The following CWH43 variants were observed in gnomAD, a reference collection of about 807,000 sequenced individuals.
CWH43 encodes the protein PGAP2-interacting protein.
Under a neutral mutation model 85.7 loss-of-function variants are expected in CWH43, and 91 were observed. That is an observed-to-expected ratio of 1.06 (90% CI 0.90 to 1.26). The LOEUF (loss-of-function observed/expected upper bound fraction) is 1.26, where lower values mean the gene tolerates loss of function less well. Ranked by LOEUF, CWH43 falls within the 50% of genes most tolerant of loss-of-function variation. The pLI is 0.00. For missense variants in CWH43, 869 were observed against 839.2 expected, an observed-to-expected ratio of 1.04 and a Z score of -0.44; for synonymous variants, 323 against 293.6, an observed-to-expected ratio of 1.10 and a Z score of -1.02.
intron 15 of CWH43, among the ~76,000 whole-genome samples, chr4:49,058,660 T>C (rs1280662644): frequency 1.3e-5 from 2 of 152,250 alleles, no homozygotes; most frequent in Non-Finnish European, 2.9e-5. Flanking sequence ...CTAATGATGA[T>C]GAACTCCTGC....
intron 9 of CWH43, among the ~76,000 whole-genome samples, chr4:49,025,179 C>A (rs148747353): frequency 6.6e-6 from 1 of 151,886 alleles, no homozygotes; most frequent in African/African-American, 2.4e-5. Context: ...CTTCTCTAAG[C>A]GTGTCCATTT....
At chr4:49,038,864 C>T (rs1188845373) in intron 13 of CWH43, among the ~76,000 whole-genome samples, 2 of 151,790 alleles carry the variant, frequency 1.3e-5, no homozygotes, top group Admixed American at 6.6e-5. Context: ...CGAGACCATC[C>T]TGGTTAACAT....
intron 9 of CWH43, among the ~76,000 whole-genome samples, chr4:49,026,214 A>G (rs1387762173): frequency 6.6e-6 from 1 of 152,192 alleles, no homozygotes; most frequent in Admixed American, 6.5e-5. Flanking sequence ...TGCCCCCACA[A>G]CAGCACTGAG....
At chr4:48,996,129 C>T (rs1175454450) in intron 5 of CWH43, among the ~76,000 whole-genome samples, 1 of 152,166 alleles carries the variant, frequency 6.6e-6, no homozygotes, top group African/African-American at 2.4e-5. Context: ...CCCCCTCTGC[C>T]TGGGCTTGCT....
chr4:48,992,725 T>C lies in CWH43; in HGVS notation c.511+635T>C, dbSNP rs1782696295. Among the ~76,000 whole-genome samples the C allele has an allele frequency of 6.6e-6, 1 of 152,190 alleles. No homozygotes were observed. Among genetic ancestry groups the C allele is most frequent in the Non-Finnish European group, 1.5e-5 (1 of 68,042 alleles). On this transcript the variant is annotated intron_variant, in intron 4 of 15. Transcript: ENST00000226432. This position sits in a 1 kb window ranked among gnomAD's most constrained non-coding sequence, Gnocchi z 4.3. ...GGGAGAGGTATTAGTGGATTCTAGT[T>C]AACGTGCTCCTAGCTTTTTGTGTAA... is the stretch of plus-strand genomic sequence containing the variant.
chr4:49,039,188 C>T (rs1784359957), intron 13 of CWH43, among the ~76,000 whole-genome samples: 1 of 141,438 alleles, frequency 7.1e-6, no homozygotes, highest in African/African-American at 2.6e-5. Context: ...AACAGGGCCC[C>T]AGCAGATGAC....
At chr4:49,009,039 G>A (rs1299645179) in intron 8 of CWH43, among the ~76,000 whole-genome samples, 9 of 152,096 alleles carry the variant, frequency 5.9e-5, no homozygotes, top group African/African-American at 2.2e-4. Context: ...GATGGGGATG[G>A]CATTTAATCT....
At chr4:49,006,921 A>G (rs572658543) in intron 7 of CWH43, among the ~76,000 whole-genome samples, 46 of 152,368 alleles carry the variant, frequency 3.0e-4, no homozygotes, top group African/African-American at 1.1e-3. Context: ...GAACACGTTC[A>G]GCAACCTAAC....
rs1387495762 is a variant in CWH43 at position 49,016,680 on chromosome 4, C to G, written c.1187-569C>G. On this transcript the variant is annotated intron_variant, in intron 8 of 15. Transcript: ENST00000226432. ...GAGGGGCAGTTACTGGGCTTCTGGG[C>G]TGCTTAGTCCATTCACCTTATCTGT... 3.9e-6 allele frequency: 3 copies of G among 764,584 alleles called. No homozygotes were observed. The Admixed American group carries it at 5.1e-5, about 13-fold the overall frequency. The allele number at this position is 764,584 out of a possible 1,614,324, so 47.4% of individuals were successfully genotyped here.
At chr4:49,005,543 G>A (rs1325070921) in intron 7 of CWH43, among the ~76,000 whole-genome samples, 2 of 151,750 alleles carry the variant, frequency 1.3e-5, no homozygotes, top group East Asian at 1.9e-4. Context: ...GCTTCTATTA[G>A]GGTTCTGTTT....
intron 6 of CWH43, among the ~76,000 whole-genome samples, chr4:49,003,388 T>C (rs373788212): frequency 1.6e-4 from 24 of 152,308 alleles, no homozygotes; most frequent in African/African-American, 5.8e-4. Context: ...TGGTTAAATG[T>C]AATATTTTTG....
chr4:49,031,843 A>C (rs1471094968), intron 11 of CWH43, among the ~76,000 whole-genome samples: 1 of 152,118 alleles, frequency 6.6e-6, no homozygotes, highest in African/African-American at 2.4e-5. Context: ...TAGGTTTTTG[A>C]CCTGAGTACC....
intron 10 of CWH43, 77 bp downstream of exon 10, chr4:49,028,811 A>G: frequency 1.1e-6 from 1 of 903,622 alleles, no homozygotes; most frequent in South Asian, 1.6e-5. Flanking sequence ...GTCATAAGCC[A>G]TAACTTAATG....
chr4:49,030,144 C>T (rs535836319), intron 10 of CWH43, among the ~76,000 whole-genome samples: 15 of 152,310 alleles, frequency 9.8e-5, no homozygotes, highest in Admixed American at 7.8e-4. Flanking sequence ...TTTCAACAGG[C>T]CTAGGGCCGA....
intron 15 of CWH43, among the ~76,000 whole-genome samples, chr4:49,055,503 A>T (rs1321111413): frequency 2.0e-5 from 3 of 152,126 alleles, no homozygotes; most frequent in African/African-American, 7.2e-5. Context: ...TATCAGGCTA[A>T]TAATGGCCTC....
chr4:49,060,626 TGATA>T (rs1221685233), intron 15 of CWH43, among the ~76,000 whole-genome samples: 1 of 151,920 alleles, frequency 6.6e-6, no homozygotes, highest in African/African-American at 2.4e-5. Flanking sequence ...GGGGGAGGAG[TGATA>T]GAAGTAATGT....
At chr4:49,038,988 G>A (rs574319446) in intron 13 of CWH43, among the ~76,000 whole-genome samples, 74 of 151,590 alleles carry the variant, frequency 4.9e-4, no homozygotes, top group Middle Eastern at 3.4e-3. Context: ...AATCTGAGAC[G>A]TAGAGCTTGC....
At chr4:49,045,991 A>AT (rs1194167507) in intron 14 of CWH43, among the ~76,000 whole-genome samples, 1 of 152,022 alleles carries the variant, frequency 6.6e-6, no homozygotes, top group Non-Finnish European at 1.5e-5. Flanking sequence ...ATTGACTAAC[A>AT]TCTCCCCATC....
rs567825393 is a variant in CWH43, at chr4:49,006,432, G to T, written c.1061-769G>T. Among the ~76,000 whole-genome samples the T allele has an allele frequency of 3.3e-5, 5 of 152,236 alleles. No individual in the cohort carries two copies. In the South Asian group the frequency reaches 8.3e-4, roughly 25 times the overall value. On this transcript the variant is annotated intron_variant, in intron 7 of 15. Coordinates refer to ENST00000226432, the MANE Select transcript of CWH43 (RefSeq NM_025087.3). ...GCTTTTAATACAACTGAGTTGAAAA[G>T]AATATTTATTATATCAGAATTTAGT... is the stretch of plus-strand genomic sequence containing the variant.
Sources: allele counts gnomAD v4.1 joint callset (sites outside exome capture counted in the v4.1 genomes callset), GRCh38; gene constraint gnomAD v4.1.1; non-coding constraint Gnocchi (gnomAD v3.1); transcripts MANE v1.5; gene names NCBI Gene and HGNC (gene_info 2026-07-23, HGNC 2026-07-21).